RNFT2: variants seen among roughly 807,000 people sequenced by gnomAD.
The protein encoded by RNFT2 is E3 ubiquitin-protein ligase RNFT2.
A neutral mutation model predicts 53.0 loss-of-function variants in RNFT2; 36 were observed. That is an observed-to-expected ratio of 0.68 (90% CI 0.52 to 0.90). The LOEUF is 0.90. Ranked by LOEUF, RNFT2 falls within the 40% of genes least tolerant of loss-of-function variation. The probability of loss-of-function intolerance (pLI) is 0.00; values close to 1 mark genes in which losing one functional copy is unlikely to be tolerated. For synonymous variants in RNFT2, 260 were observed against 253.2 expected, an observed-to-expected ratio of 1.03 and a Z score of -0.26; for missense variants, 514 against 585.6, an observed-to-expected ratio of 0.88 and a Z score of 1.26.
chr12:116,814,583 C>G (rs529100776), intron 7 of RNFT2, among the ~76,000 whole-genome samples: 2 of 152,184 alleles, frequency 1.3e-5, no homozygotes, highest in Admixed American at 1.3e-4. Flanking sequence ...GCCTGTGTGG[C>G]TGGAGCAGAA....
intron 7 of RNFT2, among the ~76,000 whole-genome samples, chr12:116,806,397 T>G (rs7958834): frequency 0.36 from 47,441 of 131,446 alleles, 10,425 homozygotes; most frequent in African/African-American, 0.62. Context: ...TATATATATA[T>G]ATAGATAGAT....
chr12:116,749,836 C>T lies in RNFT2; in HGVS notation c.84-5C>T. The T allele has an allele frequency of 1.3e-6, 2 of 1,567,838 alleles. No individual in the cohort carries two copies. The highest frequency in any genetic ancestry group is 2.4e-5 in the East Asian group (1 of 42,448). On this transcript the variant is annotated splice_region_variant and splice_polypyrimidine_tract_variant and intron_variant, in intron 3 of 10. Coordinates refer to ENST00000257575, the MANE Select transcript of RNFT2 (RefSeq NM_001382266.1). Reference sequence around the variant, plus strand: ...TCCTGGGGTTTCTCTCCCCTTGGCACCCAGAAACCGCAGCCAGGCGCTCAG... The same window carrying T: ...TCCTGGGGTTTCTCTCCCCTTGGCATCCAGAAACCGCAGCCAGGCGCTCAG...
intron 7 of RNFT2, among the ~76,000 whole-genome samples, chr12:116,823,493 G>A (rs1204977951): frequency 6.6e-6 from 1 of 152,206 alleles, no homozygotes; most frequent in African/African-American, 2.4e-5. Flanking sequence ...AGACCAGCCT[G>A]GCCAATGTGG....
At chr12:116,786,096 G>T (rs907223039) in intron 7 of RNFT2, among the ~76,000 whole-genome samples, 1 of 151,640 alleles carries the variant, frequency 6.6e-6, no homozygotes, top group African/African-American at 2.4e-5. Context: ...TGGATGAGGC[G>T]ATGGAGGTTA....
At chr12:116,833,421 TG>T (rs1876789853) in intron 7 of RNFT2, among the ~76,000 whole-genome samples, 1 of 152,198 alleles carries the variant, frequency 6.6e-6, no homozygotes, top group Non-Finnish European at 1.5e-5. Flanking sequence ...ATGGCCTGGA[TG>T]CGGAGGGCAG....
intron 7 of RNFT2, among the ~76,000 whole-genome samples, chr12:116,814,279 G>A (rs1875527392): frequency 6.6e-6 from 1 of 152,176 alleles, no homozygotes; most frequent in African/African-American, 2.4e-5. Context: ...CAGCAGTGAA[G>A]AAGCAGAGCA....
chr12:116,778,453 T>C (rs1189962165), intron 6 of RNFT2, among the ~76,000 whole-genome samples: 1 of 152,244 alleles, frequency 6.6e-6, no homozygotes, highest in African/African-American at 2.4e-5. Flanking sequence ...GCTTCCCCTT[T>C]GGCCTTCTCC....
chr12:116,847,786 C>T (rs898303237), intron 10 of RNFT2, among the ~76,000 whole-genome samples: 2 of 152,192 alleles, frequency 1.3e-5, no homozygotes, highest in African/African-American at 2.4e-5. Context: ...CTCAGCCTCC[C>T]AAACTGCTGG....
intron 3 of RNFT2, among the ~76,000 whole-genome samples, chr12:116,745,358 A>G (rs1468113963): frequency 1.3e-5 from 2 of 151,966 alleles, no homozygotes; most frequent in African/African-American, 2.4e-5. Flanking sequence ...TATTTTTAGT[A>G]GAGAGGGTTT....
intron 7 of RNFT2, among the ~76,000 whole-genome samples, chr12:116,806,381 A>ATATATAT (rs1555207575): frequency 2.2e-5 from 3 of 133,470 alleles, no homozygotes; most frequent in South Asian, 2.3e-4. Context: ...AAAAAAAAAA[A>ATATATAT]ATATATATAT....
intron 7 of RNFT2, among the ~76,000 whole-genome samples, chr12:116,817,392 C>T (rs1312846439): frequency 1.3e-5 from 2 of 152,154 alleles, no homozygotes; most frequent in Non-Finnish European, 2.9e-5. Context: ...TCTAGCAATC[C>T]TCATGCCTCA....
intron 7 of RNFT2, among the ~76,000 whole-genome samples, chr12:116,821,737 T>C (rs1018428898): frequency 6.7e-6 from 1 of 149,006 alleles, no homozygotes; most frequent in Admixed American, 6.7e-5. Context: ...TGCAGATTCC[T>C]GGCCCTGTGC....
At chr12:116,789,404 A>C (rs62647046) in intron 7 of RNFT2, among the ~76,000 whole-genome samples, 10 of 107,760 alleles carry the variant, frequency 9.3e-5, no homozygotes, top group Non-Finnish European at 1.9e-4. Flanking sequence ...TGAGTGGATG[A>C]GTAAATGGTA....
chr12:116,771,483 A>AT (rs1873184967), intron 6 of RNFT2, among the ~76,000 whole-genome samples: 2 of 113,770 alleles, frequency 1.8e-5, no homozygotes, highest in Admixed American at 1.0e-4. Context: ...AAAAAAAAAA[A>AT]AAAAAAAAAA....
intron 10 of RNFT2, among the ~76,000 whole-genome samples, chr12:116,846,901 ATTTTT>A (rs34273674): frequency 9.8e-5 from 11 of 112,338 alleles, no homozygotes; most frequent in Non-Finnish European, 1.1e-4. Context: ...CATGCCCAGG[ATTTTT>A]TTTTTTTTTT....
chr12:116,795,905 ATTTCTT>A (rs907625624), intron 7 of RNFT2, among the ~76,000 whole-genome samples: 1 of 151,484 alleles, frequency 6.6e-6, no homozygotes, highest in Admixed American at 6.6e-5. Flanking sequence ...TCCAGTGGTC[ATTTCTT>A]TTTCTTTTTC....
At chr12:116,788,712 T>C (rs892114620) in intron 7 of RNFT2, among the ~76,000 whole-genome samples, 4 of 152,176 alleles carry the variant, frequency 2.6e-5, no homozygotes, top group Admixed American at 6.6e-5. Flanking sequence ...ATTGTATGTA[T>C]GTAAGTATGT....
intron 3 of RNFT2, among the ~76,000 whole-genome samples, chr12:116,745,332 G>A (rs1269108026): frequency 6.6e-6 from 1 of 151,940 alleles, no homozygotes; most frequent in Admixed American, 6.6e-5. Flanking sequence ...GCACCACCAT[G>A]CCCGGCTAAT....
chr12:116,851,659 T>C lies in RNFT2; in HGVS notation c.*2211T>C, dbSNP rs1347671073. On this transcript the variant is annotated 3_prime_UTR_variant, in exon 11 of 11. Transcript: ENST00000257575. Reference sequence around the variant, plus strand: ...GGAGGCTAAGGCAGGGAGAACTGCTTGAACTCGGGAGGTGAAAGTTGCAGT... The same window carrying C: ...GGAGGCTAAGGCAGGGAGAACTGCTCGAACTCGGGAGGTGAAAGTTGCAGT... The C allele has an allele frequency of 3.2e-6, 2 of 630,916 alleles. No homozygotes were observed. Among genetic ancestry groups the C allele is most frequent in the Non-Finnish European group, 5.6e-6 (2 of 355,228 alleles). 39.1% of individuals were successfully genotyped at this position (630,916 alleles called of 1,614,324 possible). A position where few individuals can be genotyped will look rare whatever the true frequency, so the allele number is the denominator to read the frequency against.
Sources: gnomAD v4.1 joint callset for allele counts (sites outside exome capture counted in the v4.1 genomes callset) on GRCh38, gnomAD v4.1.1 for gene constraint, MANE v1.5 for transcripts, NCBI Gene and HGNC (gene_info 2026-07-23, HGNC 2026-07-21) for gene names.